The following SUSD1 variants were observed in gnomAD, a reference collection of about 807,000 sequenced individuals.
SUSD1 encodes the protein sushi domain containing 1.
A neutral mutation model predicts 86.9 loss-of-function variants in SUSD1; 65 were observed. The observed-to-expected ratio is 0.75, with a 90% CI of 0.61 to 0.92. The LOEUF is 0.92. Among genes scored for constraint, SUSD1 ranks in the 40% least tolerant of loss-of-function variants. The pLI is 0.00. For synonymous variants in SUSD1, 346 were observed against 350.0 expected, an observed-to-expected ratio of 0.99 and a Z score of 0.13; for missense variants, 850 against 929.7, an observed-to-expected ratio of 0.91 and a Z score of 1.11.
chr9:112,058,736 A>G (rs1193209261), intron 13 of SUSD1, 50 bp from the exon 14 acceptor site: 7 of 1,573,308 alleles, frequency 4.4e-6, no homozygotes, highest in Non-Finnish European at 5.2e-6. Flanking sequence ...TGGGGAGTTC[A>G]TTCATTCATT....
rs745878113 is a variant in SUSD1, at chr9:112,041,226, T to C, written c.*266A>G. ...GTAGCCTTCGGTCAATATCACAGTGTACATCAGGAGTCTCAAGTTCATTGC... is the reference window on the plus strand; with the variant it reads ...GTAGCCTTCGGTCAATATCACAGTGCACATCAGGAGTCTCAAGTTCATTGC... On this transcript the variant is annotated 3_prime_UTR_variant, in exon 17 of 17. Transcript: ENST00000374270. 8.9e-5 allele frequency: 53 copies of C among 596,596 alleles called. No individual in the cohort carries two copies. Among genetic ancestry groups the C allele is most frequent in the Admixed American group, 5.6e-4 (19 of 33,970 alleles). 37.0% of individuals were successfully genotyped at this position (596,596 alleles called of 1,614,324 possible). A position where few individuals can be genotyped will look rare whatever the true frequency, so the allele number is the denominator to read the frequency against.
intron 5 of SUSD1, among the ~76,000 whole-genome samples, chr9:112,141,728 T>TAC (rs1832575154): frequency 7.6e-6 from 1 of 132,414 alleles, no homozygotes; most frequent in Non-Finnish European, 1.5e-5. Flanking sequence ...TGTAATGTAT[T>TAC]ATATATAATA....
intron 3 of SUSD1, among the ~76,000 whole-genome samples, chr9:112,144,148 G>A (rs376264680): frequency 1.3e-5 from 2 of 152,072 alleles, no homozygotes; most frequent in African/African-American, 4.8e-5. Flanking sequence ...GCTGAGGCAG[G>A]AGAATCACTT....
chr9:112,137,791 T>A (rs1317118363), intron 5 of SUSD1: 1 of 152,128 alleles, frequency 6.6e-6, no homozygotes. Flanking sequence ...TGTGAAAAAT[T>A]CCATCATGCT....
At position 112,041,396 on chromosome 9, in the gene SUSD1, C is replaced by T. The variant is rs999377652; in HGVS notation, c.*96G>A. 2.2e-5 allele frequency: 17 copies of T among 776,328 alleles called. No individual in the cohort carries two copies. The highest frequency in any genetic ancestry group is 2.0e-4 in the Admixed American group (12 of 58,612). 48.1% of individuals were successfully genotyped at this position (776,328 alleles called of 1,614,324 possible). On this transcript the variant is annotated 3_prime_UTR_variant, in exon 17 of 17. Transcript: ENST00000374270. ...GTTGCAGGCCCACATGCTCCCTGGA[C>T]GGAAGTCACACGGAGCCTCTGTGCG... is the stretch of plus-strand genomic sequence containing the variant.
At chr9:112,173,912 G>A (rs778664381) in intron 1 of SUSD1, 7 of 260,704 alleles carry the variant, frequency 2.7e-5, no homozygotes, top group Non-Finnish European at 4.5e-5. Context: ...GTTTCATGAT[G>A]CCGTTTCTGT....
chr9:112,166,312 T>A (rs2131851453), intron 1 of SUSD1, among the ~76,000 whole-genome samples: 1 of 152,312 alleles, frequency 6.6e-6, no homozygotes, highest in African/African-American at 2.4e-5. Context: ...CTAGTTTTAA[T>A]ACAAAAAGTC....
intron 2 of SUSD1, among the ~76,000 whole-genome samples, chr9:112,152,552 G>C (rs1230449918): frequency 6.8e-6 from 1 of 147,414 alleles, no homozygotes; most frequent in Non-Finnish European, 1.5e-5. Flanking sequence ...ACAGGTGACT[G>C]CTACTGTGCC....
intron 1 of SUSD1, among the ~76,000 whole-genome samples, chr9:112,160,389 C>T (rs986036769): frequency 6.6e-6 from 1 of 151,940 alleles, no homozygotes; most frequent in African/African-American, 2.4e-5. Context: ...CCTAAAAATA[C>T]AAAAATTAGC....
At chr9:112,099,168 G>A (rs1039745781) in intron 9 of SUSD1, among the ~76,000 whole-genome samples, 18 of 151,904 alleles carry the variant, frequency 1.2e-4, no homozygotes, top group East Asian at 3.9e-4. Context: ...TCAGCCTCCC[G>A]AGTAGTTGGA....
intron 14 of SUSD1, 92 bp from the exon 15 acceptor site, chr9:112,052,530 C>G (rs540392963): frequency 7.2e-7 from 1 of 1,397,862 alleles, no homozygotes; most frequent in African/African-American, 1.4e-5. Context: ...TGAGTTTCAG[C>G]TTTTTCAATC....
At chr9:112,136,525 T>C (rs1832273553) in intron 5 of SUSD1, among the ~76,000 whole-genome samples, 2 of 152,240 alleles carry the variant, frequency 1.3e-5, no homozygotes, top group Admixed American at 1.3e-4. Flanking sequence ...TAAGCCATCA[T>C]GCCCAGTCCA....
chr9:112,083,471 GCCCA>G (rs1829852895), intron 10 of SUSD1, among the ~76,000 whole-genome samples: 1 of 152,044 alleles, frequency 6.6e-6, no homozygotes, highest in Non-Finnish European at 1.5e-5. Flanking sequence ...CAAGTGATCC[GCCCA>G]CCTTGGCCTC....
intron 13 of SUSD1, among the ~76,000 whole-genome samples, chr9:112,061,487 C>T (rs1456202867): frequency 3.3e-5 from 5 of 152,184 alleles, no homozygotes; most frequent in East Asian, 1.9e-4. Flanking sequence ...AGGCGCTGGC[C>T]GGCATATAGC....
chr9:112,086,273 T>C (rs1194239943), intron 10 of SUSD1, among the ~76,000 whole-genome samples: 1 of 146,718 alleles, frequency 6.8e-6, no homozygotes, highest in African/African-American at 2.5e-5. Context: ...AGATGTGTCC[T>C]GCCAGGCTGG....
At position 112,143,478 on chromosome 9, in the gene SUSD1, T is replaced by C. The variant is rs1343606409; in HGVS notation, c.519A>G (p.Ser173=). 1 of 1,613,160 alleles carries C rather than the reference T, an allele frequency of 6.2e-7. No individual in the cohort carries two copies. The highest frequency in any genetic ancestry group is 8.5e-7 in the Non-Finnish European group (1 of 1,179,752). Residue 173 remains serine (S), a synonymous_variant, in exon 4 of 17, where the codon TCA becomes TCG. Transcript: ENST00000374270. ...EPFHPTTDAT[S]CTEIDCGTPP... ...TTTTTGGCAGAAACCCACCTGTGCA[T>C]GATGTGGCATCGGTGGTCGGGTGGA... is the stretch of plus-strand genomic sequence containing the variant.
chr9:112,081,963 G>A (rs115047325), intron 10 of SUSD1, among the ~76,000 whole-genome samples: 1,907 of 152,178 alleles, frequency 0.013, 46 homozygotes, highest in African/African-American at 0.043. Context: ...TGACAGAAAC[G>A]CCTTAGTTTA....
At chr9:112,084,275 A>C (rs187587541) in intron 10 of SUSD1, among the ~76,000 whole-genome samples, 1 of 152,326 alleles carries the variant, frequency 6.6e-6, no homozygotes, top group Non-Finnish European at 1.5e-5. Flanking sequence ...TAAGTTAATA[A>C]ATTAGTATAC....
At chr9:112,133,192 T>G (rs1245639680) in intron 5 of SUSD1, among the ~76,000 whole-genome samples, 1 of 152,162 alleles carries the variant, frequency 6.6e-6, no homozygotes, top group African/African-American at 2.4e-5. Context: ...GGAAGATCCC[T>G]TAAGCCCAAG....
Sources: gnomAD v4.1 joint callset for allele counts (sites outside exome capture counted in the v4.1 genomes callset) on GRCh38, gnomAD v4.1.1 for gene constraint, MANE v1.5 for transcripts, NCBI Gene and HGNC (gene_info 2026-07-23, HGNC 2026-07-21) for gene names.